RBFOX1: variants seen among roughly 807,000 people sequenced by gnomAD.
RBFOX1 encodes the protein RNA binding fox-1 homolog 1.
Under a neutral mutation model 57.7 loss-of-function variants are expected in RBFOX1, and 8 were observed. The observed-to-expected ratio is 0.14, with a 90% confidence interval of 0.08 to 0.25. The LOEUF (loss-of-function observed/expected upper bound fraction) is 0.25. RBFOX1 is among the 10% of genes least tolerant of loss of function. The probability of loss-of-function intolerance (pLI) is 1.00; values close to 1 mark genes in which losing one functional copy is unlikely to be tolerated. For missense variants in RBFOX1, 611 were observed against 548.5 expected (o/e 1.11, Z -1.14); for synonymous variants, 326 against 222.4 (o/e 1.47, Z -4.15).
chr16:5,687,117 C>T (rs1191178196), intron 3 of RBFOX1, among the ~76,000 whole-genome samples: 2 of 152,128 alleles, frequency 1.3e-5, no homozygotes, highest in African/African-American at 4.8e-5. Flanking sequence ...TTATAAATTA[C>T]CCTGTCTACT....
At chr16:5,265,495 G>A (rs1221790892) in intron 1 of RBFOX1, among the ~76,000 whole-genome samples, 2 of 152,188 alleles carry the variant, frequency 1.3e-5, no homozygotes, top group Admixed American at 6.5e-5. Flanking sequence ...ATTGGATTTA[G>A]TGTGACTGAT....
intron 2 of RBFOX1, chr16:6,483,188 C>T: frequency 8.6e-7 from 1 of 1,157,416 alleles, no homozygotes. Context: ...CGTTTTGGCG[C>T]GGACAGAGGC....
chr16:6,371,925 C>T (rs758551455), intron 2 of RBFOX1, among the ~76,000 whole-genome samples: 2 of 152,148 alleles, frequency 1.3e-5, no homozygotes, highest in Non-Finnish European at 2.9e-5. Context: ...GCTGTGAGAC[C>T]CTTCAGAAGA....
intron 4 of RBFOX1, among the ~76,000 whole-genome samples, chr16:7,191,120 C>A (rs2085274822): frequency 6.6e-6 from 1 of 152,064 alleles, no homozygotes; most frequent in Admixed American, 6.5e-5. Context: ...AGAGGAAAAT[C>A]CATCTTAATT....
At chr16:7,703,209 T>A (rs376716328) in intron 14 of RBFOX1, among the ~76,000 whole-genome samples, 19 of 152,314 alleles carry the variant, frequency 1.2e-4, no homozygotes, top group African/African-American at 4.3e-4. Context: ...GATATAAGGA[T>A]AAAGGAGGCA....
At chr16:5,576,983 T>C (rs1404147166) in intron 2 of RBFOX1, among the ~76,000 whole-genome samples, 1 of 152,238 alleles carries the variant, frequency 6.6e-6, no homozygotes, top group African/African-American at 2.4e-5. Flanking sequence ...GAGCCATTGC[T>C]AAAGTTCAGA....
chr16:5,490,007 C>G (rs2042773788), intron 2 of RBFOX1, among the ~76,000 whole-genome samples: 11 of 152,254 alleles, frequency 7.2e-5, no homozygotes, highest in Admixed American at 7.2e-4. Context: ...TGTCTTGGTG[C>G]TGCCTGCAGG....
At chr16:5,568,684 TTCTC>T (rs919123393) in intron 2 of RBFOX1, among the ~76,000 whole-genome samples, 7 of 152,212 alleles carry the variant, frequency 4.6e-5, no homozygotes, top group Non-Finnish European at 1.0e-4. Flanking sequence ...AGCATGGGCT[TTCTC>T]TCTCATCCGT....
intron 4 of RBFOX1, among the ~76,000 whole-genome samples, chr16:7,384,710 G>A (rs148217715): frequency 5.3e-5 from 8 of 152,270 alleles, no homozygotes; most frequent in South Asian, 4.2e-4. Flanking sequence ...AGACTTGCAC[G>A]AAATAGAGAT....
At chr16:5,977,778 G>A (rs113321851) in intron 4 of RBFOX1, among the ~76,000 whole-genome samples, 10 of 152,168 alleles carry the variant, frequency 6.6e-5, no homozygotes, top group African/African-American at 1.2e-4. Context: ...CCACTGTCCC[G>A]ATCTGTATTA....
intron 3 of RBFOX1, among the ~76,000 whole-genome samples, chr16:6,991,855 A>C (rs2091516623): frequency 6.6e-6 from 1 of 152,124 alleles, no homozygotes; most frequent in Non-Finnish European, 1.5e-5. Context: ...CTGAAATGTT[A>C]ATGTGCATAG....
At chr16:7,199,955 C>T (rs909755423) in intron 4 of RBFOX1, among the ~76,000 whole-genome samples, 2 of 152,130 alleles carry the variant, frequency 1.3e-5, no homozygotes, top group Admixed American at 1.3e-4. Context: ...AAAGAACAAA[C>T]AACGTGTTGG....
chr16:7,347,161 G>A (rs532831886), intron 4 of RBFOX1, among the ~76,000 whole-genome samples: 2 of 152,134 alleles, frequency 1.3e-5, no homozygotes, highest in East Asian at 1.9e-4. Context: ...TTTGGTTGTC[G>A]TAAGTGGATG....
chr16:6,928,411 T>C (rs1532225), intron 3 of RBFOX1, among the ~76,000 whole-genome samples: 151,986 of 152,280 alleles, frequency 1, 75,847 homozygotes, highest in Middle Eastern at 1. Flanking sequence ...GAGGTTGTTG[T>C]AGGATAATGA....
chr16:7,427,238 C>T (rs1039983154), intron 4 of RBFOX1, among the ~76,000 whole-genome samples: 2 of 152,092 alleles, frequency 1.3e-5, no homozygotes, highest in East Asian at 1.9e-4. Flanking sequence ...ATGTTGTGCA[C>T]ATGTACCCTA....
At chr16:6,628,061 C>T (rs1264025184) in intron 2 of RBFOX1, among the ~76,000 whole-genome samples, 1 of 152,192 alleles carries the variant, frequency 6.6e-6, no homozygotes, top group Non-Finnish European at 1.5e-5. Flanking sequence ...GCGTGAATGT[C>T]CATGAGCCCA....
intron 5 of RBFOX1, among the ~76,000 whole-genome samples, chr16:7,543,910 A>G (rs1347186898): frequency 1.3e-5 from 2 of 151,798 alleles, no homozygotes; most frequent in Admixed American, 6.6e-5. Flanking sequence ...TAGTAGAGAC[A>G]GAGTTTCACC....
intron 3 of RBFOX1, among the ~76,000 whole-genome samples, chr16:7,021,533 T>G (rs1375182279): frequency 6.9e-6 from 1 of 145,754 alleles, no homozygotes; most frequent in Non-Finnish European, 1.5e-5. Context: ...ATTTATAAAA[T>G]TTTATAAAAT....
In RBFOX1 at chr16:7,665,909, A is replaced by T. The variant is rs2069110046; in HGVS notation, c.930+941A>T. 2.0e-5 allele frequency among the ~76,000 whole-genome samples: 3 copies of T among 152,158 alleles called. No individual in the cohort carries two copies. In the South Asian group the frequency reaches 6.2e-4, roughly 31 times the overall value. On this transcript the variant is annotated intron_variant, in intron 13 of 15. Transcript: ENST00000550418. ...TTCCTTTTGAATTTCAAATCATTAC[A>T]ATTTTGAGATATAGTATGTATCTCC...
Sources: allele counts gnomAD v4.1 joint callset (sites outside exome capture counted in the v4.1 genomes callset), GRCh38; gene constraint gnomAD v4.1.1; transcripts MANE v1.5; gene names NCBI Gene and HGNC (gene_info 2026-07-23, HGNC 2026-07-21).